The following ADHFE1 variants were observed in gnomAD, a reference collection of about 807,000 sequenced individuals.
The protein encoded by ADHFE1 is alcohol dehydrogenase iron containing 1.
Under a neutral mutation model 54.8 loss-of-function variants are expected in ADHFE1, and 37 were observed. The ratio of observed to expected loss-of-function variants is 0.68; its 90% confidence interval spans 0.52 to 0.89. ADHFE1 has a LOEUF of 0.89. Ranked by LOEUF, ADHFE1 falls within the 40% of genes least tolerant of loss-of-function variation. ADHFE1 has a pLI of 0.00. For missense variants in ADHFE1, 601 were observed against 591.2 expected, an observed-to-expected ratio of 1.02 and a Z score of -0.17; for synonymous variants, 203 against 229.3, an observed-to-expected ratio of 0.89 and a Z score of 1.04.
At position 66,446,450 on chromosome 8, in the gene ADHFE1, TG is replaced by T. The variant is rs1249925455; in HGVS notation, c.551-812del. ...GACCCAGCTGCAGCTGCTTAAGCTC[TG>T]GCCCCCAAGGAGCCTGAGGTTCCCA... On this transcript the variant is annotated intron_variant, in intron 6 of 13. Coordinates refer to ENST00000396623, the MANE Select transcript of ADHFE1 (RefSeq NM_144650.3). 5.5e-4 allele frequency among the ~76,000 whole-genome samples: 84 copies of T among 152,348 alleles called. 1 individual carries two copies. The highest frequency in any genetic ancestry group is 1.9e-3 in the African/African-American group (81 of 41,582).
In ADHFE1 at chr8:66,447,486, A is replaced by G. The variant is rs563803918; in HGVS notation, c.628+145A>G. 31 of 682,698 alleles carry G rather than the reference A, an allele frequency of 4.5e-5. No individual in the cohort carries two copies. In the African/African-American group the frequency reaches 5.3e-4, roughly 12 times the overall value. The allele number at this position is 682,698 out of a possible 1,614,324, so 42.3% of individuals were successfully genotyped here. A position where few individuals can be genotyped will look rare whatever the true frequency, so the allele number is the denominator to read the frequency against. ...GAAGAGCAAGGTGACGAAAGTCAGC[A>G]ACAAAGTATTGTATATTTCAGAGTA... On this transcript the variant is annotated intron_variant, in intron 7 of 13. Transcript: ENST00000396623.
chr8:66,447,380 A>G, intron 7 of ADHFE1, 39 bp downstream of exon 7: 1 of 1,418,066 alleles, frequency 7.1e-7, no homozygotes, highest in African/African-American at 1.4e-5. Context: ...CTTACCTTTC[A>G]ACTCCACACT....
chr8:66,436,315 C>T (rs1805465144), intron 1 of ADHFE1, among the ~76,000 whole-genome samples: 1 of 152,170 alleles, frequency 6.6e-6, no homozygotes, highest in Non-Finnish European at 1.5e-5. Flanking sequence ...GATTACTCAA[C>T]TCAGTGATTA....
chr8:66,455,530 C>G (rs1167570593), intron 10 of ADHFE1, among the ~76,000 whole-genome samples: 4 of 152,212 alleles, frequency 2.6e-5, no homozygotes, highest in African/African-American at 9.6e-5. Context: ...TTGGCAACAC[C>G]TTTCCAAAAA....
At chr8:66,449,161 G>A (rs1156488558) in intron 8 of ADHFE1, among the ~76,000 whole-genome samples, 191 bp downstream of exon 8, 1 of 152,204 alleles carries the variant, frequency 6.6e-6, no homozygotes, top group Non-Finnish European at 1.5e-5. Flanking sequence ...CATCTGGTGT[G>A]GGCCACAAAC....
intron 9 of ADHFE1, chr8:66,453,853 C>G (rs1486638249): frequency 1.3e-6 from 2 of 1,498,920 alleles, no homozygotes; most frequent in East Asian, 5.3e-5. Context: ...ATTTATTATG[C>G]CTTTGCTGAA....
At chr8:66,453,274 G>C (rs1806397177) in intron 9 of ADHFE1, among the ~76,000 whole-genome samples, 1 of 152,128 alleles carries the variant, frequency 6.6e-6, no homozygotes, top group Admixed American at 6.5e-5. Flanking sequence ...AAGGAGGCAG[G>C]AACACCCAAC....
intron 13 of ADHFE1, among the ~76,000 whole-genome samples, chr8:66,465,603 AT>A (rs1231354774): frequency 6.6e-6 from 1 of 151,838 alleles, no homozygotes; most frequent in Non-Finnish European, 1.5e-5. Context: ...TGCAAGAATA[AT>A]TTTTTTCTTT....
At chr8:66,458,705 T>G (rs2130463672) in intron 12 of ADHFE1, among the ~76,000 whole-genome samples, 1 of 152,228 alleles carries the variant, frequency 6.6e-6, no homozygotes, top group South Asian at 2.1e-4. Flanking sequence ...TGGGAAGTTT[T>G]AATGTTATCT....
At chr8:66,444,317 T>C (rs760886463) in intron 3 of ADHFE1, 50 bp from the exon 4 acceptor site, 1 of 1,566,014 alleles carries the variant, frequency 6.4e-7, no homozygotes, top group East Asian at 2.2e-5. Flanking sequence ...AGAAATGGAC[T>C]GGCCAACTCT....
intron 12 of ADHFE1, among the ~76,000 whole-genome samples, chr8:66,458,141 C>A (rs1806692516): frequency 6.6e-6 from 1 of 152,202 alleles, no homozygotes; most frequent in East Asian, 1.9e-4. Flanking sequence ...AATACAAGAA[C>A]TCTTTTAAGT....
At chr8:66,437,888 A>G (rs986372562) in intron 1 of ADHFE1, among the ~76,000 whole-genome samples, 1 of 152,226 alleles carries the variant, frequency 6.6e-6, no homozygotes, top group Non-Finnish European at 1.5e-5. Flanking sequence ...AACTGACAGG[A>G]AAGAACAAAA....
At chr8:66,460,096 T>G in intron 12 of ADHFE1, 1 of 551,420 alleles carries the variant, frequency 1.8e-6, no homozygotes, top group South Asian at 2.3e-5. Context: ...AAGGGGCAAG[T>G]ATGTAGGACT....
At position 66,439,232 on chromosome 8, in the gene ADHFE1, C is replaced by A. The variant is rs1805623007; in HGVS notation, c.60-930C>A. On this transcript the variant is annotated intron_variant, in intron 1 of 13. Coordinates refer to ENST00000396623, the MANE Select transcript of ADHFE1 (RefSeq NM_144650.3). This position sits in a 1 kb window ranked among gnomAD's most constrained non-coding sequence, Gnocchi z 4.4. ...ACCTTCCCCCTCGGGTGTTTTAATT[C>A]CAGATTTGAATTTTTGGCGGGGAGA... 2 of 985,354 alleles carry A rather than the reference C, an allele frequency of 2.0e-6. No individual in the cohort carries two copies. Among genetic ancestry groups the A allele is most frequent in the South Asian group, 4.7e-5 (1 of 21,284 alleles). 61.0% of individuals were successfully genotyped at this position (985,354 alleles called of 1,614,324 possible). A position where few individuals can be genotyped will look rare whatever the true frequency, so the allele number is the denominator to read the frequency against.
intron 9 of ADHFE1, chr8:66,453,581 A>T: frequency 1.1e-5 from 7 of 654,726 alleles, no homozygotes; most frequent in Non-Finnish European, 1.7e-5. Context: ...TAATGTTGGC[A>T]TAGAGGTGCA....
chr8:66,458,116 T>C (rs1242938063), intron 12 of ADHFE1, among the ~76,000 whole-genome samples: 1 of 152,246 alleles, frequency 6.6e-6, no homozygotes, highest in Non-Finnish European at 1.5e-5. Flanking sequence ...GTAAGTAAAA[T>C]GTTGGTGTTT....
intron 2 of ADHFE1, among the ~76,000 whole-genome samples, chr8:66,442,015 CT>C (rs1241682625): frequency 1.3e-5 from 2 of 151,380 alleles, no homozygotes; most frequent in Non-Finnish European, 2.9e-5. Context: ...GATAAATAAG[CT>C]TTTTATATGC....
At chr8:66,462,934 G>T (rs533206767) in intron 13 of ADHFE1, among the ~76,000 whole-genome samples, 1 of 152,130 alleles carries the variant, frequency 6.6e-6, no homozygotes, top group African/African-American at 2.4e-5. Context: ...TGATTCTCCT[G>T]CCTCAGCCTC....
chr8:66,448,684 C>A (rs1806153240), intron 7 of ADHFE1, among the ~76,000 whole-genome samples, 181 bp from the exon 8 acceptor site: 1 of 152,224 alleles, frequency 6.6e-6, no homozygotes, highest in Admixed American at 6.5e-5. Context: ...TCCAACACAC[C>A]ACTGAAAACC....
Sources: allele counts gnomAD v4.1 joint callset (sites outside exome capture counted in the v4.1 genomes callset), GRCh38; gene constraint gnomAD v4.1.1; non-coding constraint Gnocchi (gnomAD v3.1); transcripts MANE v1.5; gene names NCBI Gene and HGNC (gene_info 2026-07-23, HGNC 2026-07-21).